ATXN7L1: variants seen among roughly 807,000 people sequenced by gnomAD.
The protein encoded by ATXN7L1 is ataxin-7-like protein 1.
In ATXN7L1, 15 loss-of-function variants were observed where a neutral mutation model predicts 70.8. That is an observed-to-expected ratio of 0.21 (90% confidence interval 0.14 to 0.33). The LOEUF is 0.33. Ranked by LOEUF, ATXN7L1 falls within the 10% of genes least tolerant of loss-of-function variation. The pLI is 1.00. For missense variants in ATXN7L1, 975 were observed against 1,097.1 expected (o/e 0.89, Z 1.57); for synonymous variants, 440 against 445.1 (o/e 0.99, Z 0.14).
rs77187296 is a variant in ATXN7L1 at position 105,868,084 on chromosome 7, C to T, written c.250+7728G>A. Among the ~76,000 whole-genome samples the T allele has an allele frequency of 9.2e-3, 1,408 of 152,290 alleles. 18 individuals are homozygous for T. The highest frequency in any genetic ancestry group is 0.032 in the African/African-American group (1,337 of 41,546). On this transcript the variant is annotated intron_variant, in intron 2 of 11. Coordinates refer to ENST00000419735, the MANE Select transcript of ATXN7L1 (RefSeq NM_020725.2). The stretch of plus-strand genomic sequence containing the variant: ...AGTCTATATTCTCTGGCACTTGGGC[C>T]TTTATCCCTGTCGTTTCCTCTAACT...
At chr7:105,846,949 C>A (rs1233647714) in intron 2 of ATXN7L1, among the ~76,000 whole-genome samples, 5 of 152,068 alleles carry the variant, frequency 3.3e-5, no homozygotes, top group Non-Finnish European at 5.9e-5. Context: ...TTGCCAGGGA[C>A]TGAGGGGAGG....
chr7:105,700,299 A>C (rs909284780), intron 3 of ATXN7L1, among the ~76,000 whole-genome samples: 1 of 152,124 alleles, frequency 6.6e-6, no homozygotes, highest in Non-Finnish European at 1.5e-5. Flanking sequence ...TGAGGCCAGG[A>C]GTTCGATACC....
intron 3 of ATXN7L1, among the ~76,000 whole-genome samples, chr7:105,782,786 T>C (rs1803722753): frequency 6.6e-6 from 1 of 152,170 alleles, no homozygotes. Flanking sequence ...TCCTAGCAAA[T>C]GTAATCATAT....
chr7:105,804,269 T>A (rs984740977), intron 2 of ATXN7L1, among the ~76,000 whole-genome samples: 1 of 152,012 alleles, frequency 6.6e-6, no homozygotes, highest in South Asian at 2.1e-4. Flanking sequence ...CTGATATGAA[T>A]AGAGGGGAAG....
rs1217653662 is a variant in ATXN7L1 at position 105,667,475 on chromosome 7, G to A, written c.356-2187C>T. Among the ~76,000 whole-genome samples the A allele has an allele frequency of 2.8e-5, 4 of 142,270 alleles. 1 individual carries two copies. Among genetic ancestry groups the A allele is most frequent in the Non-Finnish European group, 4.6e-5 (3 of 64,816 alleles). 93.3% of individuals were successfully genotyped at this position (142,270 alleles called of 152,430 possible). Reference sequence around the variant, plus strand: ...AGCACTTTGGGAGGCCGAGGCGGGCGGATCACGAGGTCAGGAGATCGAGAC... The same window carrying A: ...AGCACTTTGGGAGGCCGAGGCGGGCAGATCACGAGGTCAGGAGATCGAGAC... On this transcript the variant is annotated intron_variant, in intron 3 of 11. Transcript: ENST00000419735.
intron 2 of ATXN7L1, among the ~76,000 whole-genome samples, chr7:105,790,109 T>G (rs1804918710): frequency 6.6e-6 from 1 of 152,182 alleles, no homozygotes; most frequent in East Asian, 1.9e-4. Context: ...GGCAAATCTA[T>G]AAACACAAAA....
At chr7:105,771,988 G>A (rs543813186) in intron 3 of ATXN7L1, among the ~76,000 whole-genome samples, 1 of 148,540 alleles carries the variant, frequency 6.7e-6, no homozygotes, top group Non-Finnish European at 1.5e-5. Flanking sequence ...TTAGAAATAA[G>A]TCCAAATATA....
At chr7:105,760,058 A>G in intron 3 of ATXN7L1, 1 of 369,228 alleles carries the variant, frequency 2.7e-6, no homozygotes, top group Non-Finnish European at 3.7e-6. Flanking sequence ...ATGAATCAAC[A>G]AGCCTCCTCC....
chr7:105,611,991 C>T (rs368780192), intron 10 of ATXN7L1, among the ~76,000 whole-genome samples: 2 of 152,200 alleles, frequency 1.3e-5, no homozygotes, highest in African/African-American at 4.8e-5. Context: ...TAAATGCATC[C>T]GTTTTTTTGA....
intron 7 of ATXN7L1, among the ~76,000 whole-genome samples, chr7:105,632,968 G>A (rs1796827918): frequency 1.4e-5 from 2 of 138,750 alleles, no homozygotes; most frequent in East Asian, 2.3e-4. Flanking sequence ...TGACTATTGT[G>A]TGAACTTTCA....
intron 9 of ATXN7L1, chr7:105,617,924 T>G (rs771043585): frequency 2.2e-6 from 1 of 456,680 alleles, no homozygotes; most frequent in Non-Finnish European, 4.4e-6. Context: ...CCCTCCAGGT[T>G]CGGGCCCGCC....
At chr7:105,720,783 A>G (rs1795098955) in intron 3 of ATXN7L1, among the ~76,000 whole-genome samples, 1 of 152,108 alleles carries the variant, frequency 6.6e-6, no homozygotes, top group African/African-American at 2.4e-5. Flanking sequence ...TCTCTACCGC[A>G]GAGGAGTTGG....
intron 3 of ATXN7L1, among the ~76,000 whole-genome samples, chr7:105,769,323 T>G (rs62482760): frequency 0.17 from 26,409 of 152,042 alleles, 2,546 homozygotes; most frequent in Non-Finnish European, 0.21. Context: ...AGCGTGACCA[T>G]GGAAGCGTGA....
intron 3 of ATXN7L1, among the ~76,000 whole-genome samples, chr7:105,726,024 C>A (rs1331892929): frequency 1.3e-5 from 2 of 151,406 alleles, no homozygotes; most frequent in Non-Finnish European, 2.9e-5. Flanking sequence ...GTCCCAGCCT[C>A]CTGAGCAGCT....
Position 105,647,723 on chromosome 7 carries a change from C to T in ATXN7L1, c.579-4602G>A, listed in dbSNP as rs117353799. 4.1e-3 allele frequency among the ~76,000 whole-genome samples: 626 copies of T among 152,346 alleles called. 2 individuals carry two copies. The highest frequency in any genetic ancestry group is 0.01 in the Middle Eastern group (3 of 294). ...ACAGTCTGCATTACTCCTCTAAAGTCAACGTCAGGCTCTGAATGTGCTCCT... is the reference window on the plus strand; with the variant it reads ...ACAGTCTGCATTACTCCTCTAAAGTTAACGTCAGGCTCTGAATGTGCTCCT... On this transcript the variant is annotated intron_variant, in intron 4 of 11. Coordinates refer to ENST00000419735, the MANE Select transcript of ATXN7L1 (RefSeq NM_020725.2).
chr7:105,733,862 CCATCCATCCATCCATCCATCATCCAT>C (rs1797047672), intron 3 of ATXN7L1, among the ~76,000 whole-genome samples: 1 of 149,580 alleles, frequency 6.7e-6, no homozygotes, highest in Non-Finnish European at 1.5e-5. Context: ...ATCCATCCAT[CCATCCATCCATCCATCCATCATCCAT>C]CATCCATCCA....
At chr7:105,613,693 C>T (rs1793393118) in intron 10 of ATXN7L1, 169 bp downstream of exon 10, 2 of 1,472,254 alleles carry the variant, frequency 1.4e-6, no homozygotes, top group African/African-American at 1.4e-5. Context: ...GTATCAAGTA[C>T]TTGTTCAGTA....
Position 105,712,842 on chromosome 7 carries a change from A to G in ATXN7L1, c.356-47554T>C, listed in dbSNP as rs558554129. ...CTGTTCCAACCTCTGCCTGTTATCC[A>G]GTTCCAAAGTCGCTTCCACATTTTC... On this transcript the variant is annotated intron_variant, in intron 3 of 11. Transcript: ENST00000419735. Among the ~76,000 whole-genome samples the G allele has an allele frequency of 3.3e-5, 5 of 152,184 alleles. No homozygotes were observed. In the South Asian group the frequency reaches 1.0e-3, roughly 32 times the overall value.
intron 7 of ATXN7L1, among the ~76,000 whole-genome samples, chr7:105,628,033 C>G (rs747118543): frequency 6.6e-6 from 1 of 151,162 alleles, no homozygotes; most frequent in Non-Finnish European, 1.5e-5. Flanking sequence ...TTAGTAGAGA[C>G]GGGGTTTCAG....
Sources: gnomAD v4.1 joint callset for allele counts (sites outside exome capture counted in the v4.1 genomes callset) on GRCh38, gnomAD v4.1.1 for gene constraint, MANE v1.5 for transcripts, NCBI Gene and HGNC (gene_info 2026-07-23, HGNC 2026-07-21) for gene names.